FHIT: variants seen among roughly 807,000 people sequenced by gnomAD.
FHIT encodes the protein bis(5'-adenosyl)-triphosphatase.
A neutral mutation model predicts 17.9 loss-of-function variants in FHIT; 19 were observed. The observed-to-expected ratio is 1.06, with a 90% CI of 0.74 to 1.56. The LOEUF (loss-of-function observed/expected upper bound fraction) is 1.56, where lower values mean the gene tolerates loss of function less well. FHIT is among the 40% of genes most tolerant of loss of function. The probability of loss-of-function intolerance (pLI) is 0.00; values close to 1 mark genes in which losing one functional copy is unlikely to be tolerated. For synonymous variants in FHIT, 81 were observed against 69.7 expected (o/e 1.16, Z -0.81); for missense variants, 248 against 189.2 (o/e 1.31, Z -1.82).
At chr3:59,799,233 T>G (rs1434724081) in intron 8 of FHIT, among the ~76,000 whole-genome samples, 2 of 152,200 alleles carry the variant, frequency 1.3e-5, no homozygotes, top group Non-Finnish European at 2.9e-5. Flanking sequence ...TTTGGGTGAC[T>G]GGGCAGGTCT....
chr3:61,074,689 T>G (rs1442498172), intron 2 of FHIT, among the ~76,000 whole-genome samples: 1 of 152,160 alleles, frequency 6.6e-6, no homozygotes, highest in Admixed American at 6.6e-5. Context: ...TTCTTCTTAA[T>G]AGTATTGTTA....
chr3:60,996,540 T>C (rs2030687396), intron 3 of FHIT, among the ~76,000 whole-genome samples: 1 of 152,164 alleles, frequency 6.6e-6, no homozygotes, highest in African/African-American at 2.4e-5. Context: ...TAAAGGAAAA[T>C]AATGTAACAA....
At chr3:60,542,630 A>G (rs557287610) in intron 4 of FHIT, among the ~76,000 whole-genome samples, 6 of 152,126 alleles carry the variant, frequency 3.9e-5, no homozygotes, top group African/African-American at 1.4e-4. Context: ...TCAATTTTCT[A>G]ATTTTGTAGA....
chr3:59,957,467 T>C (rs1325800986), intron 7 of FHIT, among the ~76,000 whole-genome samples: 2 of 152,234 alleles, frequency 1.3e-5, no homozygotes, highest in African/African-American at 4.8e-5. Context: ...ATCTGTAGCA[T>C]TTTTGTTATA....
At chr3:60,365,111 A>T (rs530398073) in intron 5 of FHIT, among the ~76,000 whole-genome samples, 104 of 149,478 alleles carry the variant, frequency 7.0e-4, no homozygotes, top group African/African-American at 2.5e-3. Flanking sequence ...TAAACAGAAC[A>T]TTATATATAT....
intron 2 of FHIT, among the ~76,000 whole-genome samples, chr3:61,128,557 G>A (rs1369741177): frequency 6.6e-6 from 1 of 151,984 alleles, no homozygotes; most frequent in East Asian, 1.9e-4. Flanking sequence ...CCATCCACAG[G>A]GGTTATATGT....
chr3:61,022,090 G>GA (rs1209649780), intron 3 of FHIT, among the ~76,000 whole-genome samples: 1 of 151,986 alleles, frequency 6.6e-6, no homozygotes, highest in Non-Finnish European at 1.5e-5. Flanking sequence ...AAAATAGATA[G>GA]ACTGCTAGCC....
At chr3:60,278,673 A>G (rs2107642107) in intron 5 of FHIT, among the ~76,000 whole-genome samples, 1 of 152,208 alleles carries the variant, frequency 6.6e-6, no homozygotes, top group East Asian at 1.9e-4. Flanking sequence ...TACAGCAAGC[A>G]TTAAACACAG....
At chr3:61,082,578 G>A (rs2035174339) in intron 2 of FHIT, among the ~76,000 whole-genome samples, 1 of 151,992 alleles carries the variant, frequency 6.6e-6, no homozygotes, top group Admixed American at 6.6e-5. Context: ...AGAAGTGAAA[G>A]GTCACAGGGC....
At chr3:60,282,756 G>T (rs1300796348) in intron 5 of FHIT, among the ~76,000 whole-genome samples, 1 of 152,008 alleles carries the variant, frequency 6.6e-6, no homozygotes, top group East Asian at 1.9e-4. Context: ...AAAATCTAAA[G>T]CTGTTCTAAA....
chr3:61,006,895 C>T (rs1299151868), intron 3 of FHIT, among the ~76,000 whole-genome samples: 1 of 151,822 alleles, frequency 6.6e-6, no homozygotes, highest in Non-Finnish European at 1.5e-5. Flanking sequence ...TTGATACTTT[C>T]GATTGGAAAG....
chr3:59,924,555 AG>A (rs752423868), intron 7 of FHIT, among the ~76,000 whole-genome samples: 2 of 152,238 alleles, frequency 1.3e-5, no homozygotes, highest in South Asian at 2.1e-4. Flanking sequence ...CTGAGCATTC[AG>A]CTTTGCATGT....
At chr3:60,917,668 G>T (rs997657124) in intron 3 of FHIT, among the ~76,000 whole-genome samples, 3 of 152,090 alleles carry the variant, frequency 2.0e-5, no homozygotes, top group Non-Finnish European at 4.4e-5. Context: ...ACTTTATTCA[G>T]GTATGTCCTC....
chr3:59,932,763 T>C (rs1034920506), intron 7 of FHIT, among the ~76,000 whole-genome samples: 6 of 152,090 alleles, frequency 3.9e-5, no homozygotes, highest in African/African-American at 1.2e-4. Flanking sequence ...TGAGAGACGA[T>C]TACACTTCAA....
intron 4 of FHIT, among the ~76,000 whole-genome samples, chr3:60,725,461 T>C (rs376384539): frequency 1.2e-3 from 185 of 152,338 alleles, no homozygotes; most frequent in African/African-American, 4.3e-3. Context: ...GTAATTTTTG[T>C]ATACAGTGTG....
intron 5 of FHIT, among the ~76,000 whole-genome samples, chr3:60,301,095 A>T (rs1179367097): frequency 6.6e-6 from 1 of 152,086 alleles, no homozygotes; most frequent in Non-Finnish European, 1.5e-5. Flanking sequence ...TTATCTGTTC[A>T]TTTATTTAAA....
intron 8 of FHIT, among the ~76,000 whole-genome samples, chr3:59,892,453 A>G (rs1432078044): frequency 1.3e-5 from 2 of 152,202 alleles, no homozygotes; most frequent in Non-Finnish European, 2.9e-5. Flanking sequence ...CAAGATTGAT[A>G]AATTATTTTG....
intron 5 of FHIT, among the ~76,000 whole-genome samples, chr3:60,151,987 A>G (rs1006585859): frequency 2.0e-5 from 3 of 152,208 alleles, no homozygotes; most frequent in Admixed American, 1.3e-4. Context: ...CTGCTGAATC[A>G]TAGCATCAAG....
intron 4 of FHIT, among the ~76,000 whole-genome samples, chr3:60,787,762 A>T (rs1700633125): frequency 6.6e-6 from 1 of 152,228 alleles, no homozygotes; most frequent in African/African-American, 2.4e-5. Flanking sequence ...TTGTCACCCA[A>T]CATGTACATT....
Sources: gnomAD v4.1 joint callset for allele counts (sites outside exome capture counted in the v4.1 genomes callset) on GRCh38, gnomAD v4.1.1 for gene constraint, MANE v1.5 for transcripts, NCBI Gene and HGNC (gene_info 2026-07-23, HGNC 2026-07-21) for gene names.